The following FILIP1L variants were observed in gnomAD, a reference collection of about 807,000 sequenced individuals.
FILIP1L encodes filamin A interacting protein 1 like.
FILIP1L carries 55 observed loss-of-function variants against 96.6 expected under a neutral mutation model. The observed-to-expected ratio is 0.57, with a 90% CI of 0.46 to 0.71. The LOEUF (loss-of-function observed/expected upper bound fraction) is 0.71, where lower values mean the gene tolerates loss of function less well. Among genes scored for constraint, FILIP1L ranks in the 30% least tolerant of loss-of-function variants. The pLI, the probability that FILIP1L is intolerant of heterozygous loss-of-function variation, is 0.00. For missense variants in FILIP1L, 1,304 were observed against 1,321.2 expected (o/e 0.99, Z 0.20); for synonymous variants, 467 against 473.9 (o/e 0.99, Z 0.19).
chr3:99,944,990 G>A (rs1559698555), intron 1 of FILIP1L, among the ~76,000 whole-genome samples: 1 of 152,188 alleles, frequency 6.6e-6, no homozygotes, highest in Admixed American at 6.5e-5. Context: ...CTAGGCAGTA[G>A]GGAGGGAGTT....
chr3:100,111,219 A>C (rs1389077262), intron 1 of FILIP1L, among the ~76,000 whole-genome samples: 3 of 152,150 alleles, frequency 2.0e-5, no homozygotes, highest in African/African-American at 7.2e-5. Context: ...AGAGGATGGT[A>C]GGGGGAGGAG....
At position 100,027,302 on chromosome 3, in the gene FILIP1L, C is replaced by T. The variant is rs531037699; in HGVS notation, c.-11+86751G>A. On this transcript the variant is annotated intron_variant, in intron 1 of 5. Transcript: ENST00000477258. ...TTGTGTATTTGTTCACTGCTGTTTA[C>T]ATCTGGAAATGAGCCTCACACATGG... 2.6e-5 allele frequency among the ~76,000 whole-genome samples: 4 copies of T among 152,264 alleles called. No individual in the cohort carries two copies. In the East Asian group the frequency reaches 5.8e-4, roughly 22 times the overall value.
intron 4 of FILIP1L, among the ~76,000 whole-genome samples, chr3:99,860,327 A>G (rs1488883786): frequency 2.0e-5 from 3 of 152,200 alleles, no homozygotes; most frequent in Admixed American, 6.5e-5. Context: ...GGTCAGGAGA[A>G]GTGAAATAAG....
chr3:100,025,123 A>G (rs997089158), intron 1 of FILIP1L, among the ~76,000 whole-genome samples: 11 of 152,202 alleles, frequency 7.2e-5, no homozygotes, highest in African/African-American at 2.7e-4. Context: ...CGAGGCCGTA[A>G]GATTTCCCAA....
At chr3:100,093,597 A>G (rs1055682804) in intron 1 of FILIP1L, among the ~76,000 whole-genome samples, 5 of 152,172 alleles carry the variant, frequency 3.3e-5, no homozygotes, top group Admixed American at 2.6e-4. Flanking sequence ...ACAGAACTGT[A>G]GTGGAATGTC....
intron 1 of FILIP1L, among the ~76,000 whole-genome samples, chr3:99,995,902 G>T (rs140332408): frequency 2.6e-4 from 39 of 152,252 alleles, no homozygotes; most frequent in African/African-American, 9.1e-4. Context: ...CCATTTTCTC[G>T]TAGGCCTCTG....
chr3:100,105,954 C>T (rs2066388004), intron 1 of FILIP1L, among the ~76,000 whole-genome samples: 1 of 152,132 alleles, frequency 6.6e-6, no homozygotes, highest in Non-Finnish European at 1.5e-5. Context: ...GGAAGTCATT[C>T]AATTCACATA....
At chr3:100,063,589 T>C (rs1425276956) in intron 1 of FILIP1L, among the ~76,000 whole-genome samples, 2 of 152,206 alleles carry the variant, frequency 1.3e-5, no homozygotes, top group Admixed American at 6.5e-5. Flanking sequence ...CTGAATACTT[T>C]CTCATCCAGA....
At chr3:100,044,789 G>A (rs1465203477) in intron 1 of FILIP1L, among the ~76,000 whole-genome samples, 7 of 152,144 alleles carry the variant, frequency 4.6e-5, no homozygotes, top group Non-Finnish European at 1.0e-4. Flanking sequence ...AAAAAGGCTG[G>A]TGCCATTTTT....
At chr3:100,036,878 G>C (rs1048701709) in intron 1 of FILIP1L, among the ~76,000 whole-genome samples, 33 of 152,088 alleles carry the variant, frequency 2.2e-4, no homozygotes, top group Non-Finnish European at 4.3e-4. Flanking sequence ...AGAAAGATAC[G>C]TTATTTCTGT....
At chr3:100,079,136 C>T (rs1324107507) in intron 1 of FILIP1L, among the ~76,000 whole-genome samples, 1 of 152,194 alleles carries the variant, frequency 6.6e-6, no homozygotes, top group Non-Finnish European at 1.5e-5. Flanking sequence ...CCCCAGTCCT[C>T]TCAGCGTTAG....
chr3:99,939,603 C>G (rs1376825286), intron 1 of FILIP1L, among the ~76,000 whole-genome samples: 2 of 152,184 alleles, frequency 1.3e-5, no homozygotes, highest in Non-Finnish European at 2.9e-5. Flanking sequence ...AAGGTATATA[C>G]TCAGGGAAGA....
At chr3:100,099,058 C>T (rs528756814) in intron 1 of FILIP1L, among the ~76,000 whole-genome samples, 1 of 152,178 alleles carries the variant, frequency 6.6e-6, no homozygotes, top group African/African-American at 2.4e-5. Flanking sequence ...TTTCAAATTT[C>T]TACCAATGAT....
At chr3:100,036,881 A>T (rs188812104) in intron 1 of FILIP1L, among the ~76,000 whole-genome samples, 48 of 152,282 alleles carry the variant, frequency 3.2e-4, no homozygotes, top group African/African-American at 1.2e-3. Context: ...AAGATACGTT[A>T]TTTCTGTGGT....
rs1205940721 is a variant in FILIP1L, at chr3:100,114,381, C to T, written c.-339G>A. 1 of 152,350 alleles carries T rather than the reference C, an allele frequency of 6.6e-6. No homozygotes were observed. Among genetic ancestry groups the T allele is most frequent in the South Asian group, 2.1e-4 (1 of 4,830 alleles). The allele number at this position is 152,350 out of a possible 1,614,324, so 9.4% of individuals were successfully genotyped here. A position where few individuals can be genotyped will look rare whatever the true frequency, so the allele number is the denominator to read the frequency against. On this transcript the variant is annotated 5_prime_UTR_variant, in exon 1 of 6. Transcript: ENST00000477258. Reference sequence around the variant, plus strand: ...CTCTTACCCCACAGCTTGCCAGTCTCTGTGGAAGAAAGGTTCTAACTGGAC... The same window carrying T: ...CTCTTACCCCACAGCTTGCCAGTCTTTGTGGAAGAAAGGTTCTAACTGGAC...
intron 4 of FILIP1L, among the ~76,000 whole-genome samples, chr3:99,893,358 G>A (rs559119570): frequency 6.6e-6 from 1 of 151,984 alleles, no homozygotes; most frequent in Non-Finnish European, 1.5e-5. Flanking sequence ...GTGGAGACGG[G>A]GTTTCACTGT....
At chr3:100,097,161 G>A (rs1249336541) in intron 1 of FILIP1L, among the ~76,000 whole-genome samples, 6 of 152,126 alleles carry the variant, frequency 3.9e-5, no homozygotes, top group African/African-American at 1.2e-4. Flanking sequence ...CTGCACATGC[G>A]AGAGATCTAG....
Position 99,848,822 on chromosome 3 carries a change from C to A in FILIP1L, c.2854G>T (p.Ala952Ser). The A allele has an allele frequency of 6.2e-7, 1 of 1,613,948 alleles. No homozygotes were observed. The highest frequency in any genetic ancestry group is 1.7e-5 in the Admixed American group (1 of 59,994). Residue 952 changes from alanine to serine, a missense_variant, in exon 5 of 6, where the codon GCC becomes TCC. Ala to Ser is a moderately conservative substitution (Grantham distance 99). Coordinates refer to ENST00000477258, the MANE Select transcript of FILIP1L (RefSeq NM_001387850.1). The part of the protein sequence containing the change: ...PKQRITILQN[A>S]SITPVKSKTS... ...TTGGACTTTACTGGTGTTATGGAGG[C>A]GTTTTGGAGGATGGTTATCCTTTGC...
chr3:99,952,166 G>GTT (rs557464940), intron 1 of FILIP1L, among the ~76,000 whole-genome samples: 1 of 145,204 alleles, frequency 6.9e-6, no homozygotes, highest in African/African-American at 2.5e-5. Flanking sequence ...CTATAGATGT[G>GTT]TTTTTTTTTT....
Sources: gnomAD v4.1 joint callset for allele counts (sites outside exome capture counted in the v4.1 genomes callset) on GRCh38, gnomAD v4.1.1 for gene constraint, MANE v1.5 for transcripts, NCBI Gene and HGNC (gene_info 2026-07-23, HGNC 2026-07-21) for gene names.